Variants in HHAT observed in about 807,000 individuals in gnomAD.
HHAT encodes the protein protein-cysteine N-palmitoyltransferase HHAT.
A neutral mutation model predicts 70.8 loss-of-function variants in HHAT; 47 were observed. That is an observed-to-expected ratio of 0.66 (90% CI 0.53 to 0.85). HHAT has a LOEUF of 0.85. Among genes scored for constraint, HHAT ranks in the 40% least tolerant of loss-of-function variants. The pLI, the probability that HHAT is intolerant of heterozygous loss-of-function variation, is 0.00. For missense variants in HHAT, 609 were observed against 604.8 expected, an observed-to-expected ratio of 1.01 and a Z score of -0.07; for synonymous variants, 228 against 247.6, an observed-to-expected ratio of 0.92 and a Z score of 0.74.
At chr1:210,385,246 GTTTTT>G (rs1200266390) in intron 3 of HHAT, among the ~76,000 whole-genome samples, 1 of 87,408 alleles carries the variant, frequency 1.1e-5, no homozygotes, top group Non-Finnish European at 2.2e-5. Flanking sequence ...AAGCTCATAT[GTTTTT>G]CTTTTTTTTT....
intron 9 of HHAT, among the ~76,000 whole-genome samples, chr1:210,539,640 GT>G (rs1185849383): frequency 1.3e-5 from 2 of 152,186 alleles, no homozygotes; most frequent in Non-Finnish European, 2.9e-5. Flanking sequence ...AGATGGGGGT[GT>G]TGTCAGCGGC....
chr1:210,502,160 G>A (rs958877270), intron 8 of HHAT, among the ~76,000 whole-genome samples: 1 of 151,790 alleles, frequency 6.6e-6, no homozygotes, highest in Non-Finnish European at 1.5e-5. Flanking sequence ...CGAGGTGGGT[G>A]GATCACGAGG....
intron 8 of HHAT, among the ~76,000 whole-genome samples, chr1:210,499,775 C>G (rs1247167914): frequency 6.6e-6 from 1 of 152,196 alleles, no homozygotes; most frequent in African/African-American, 2.4e-5. Flanking sequence ...GGAGAGGCGG[C>G]TGCAAAGAGT....
At chr1:210,558,713 TTTTC>T (rs1219040099) in intron 9 of HHAT, among the ~76,000 whole-genome samples, 1 of 152,082 alleles carries the variant, frequency 6.6e-6, no homozygotes, top group Non-Finnish European at 1.5e-5. Context: ...GTCTCTGCCA[TTTTC>T]TTTGAACCTC....
chr1:210,430,500 G>GT (rs941479381), intron 7 of HHAT, among the ~76,000 whole-genome samples: 3 of 151,848 alleles, frequency 2.0e-5, no homozygotes, highest in Admixed American at 2.0e-4. Context: ...ACATTACTAT[G>GT]TTTTTTCTTA....
Position 210,348,922 on chromosome 1 carries a change from C to G in HHAT, c.-43-11C>G, listed in dbSNP as rs2086768492. 1 of 1,600,330 alleles carries G rather than the reference C, an allele frequency of 6.2e-7. No individual in the cohort carries two copies. Among genetic ancestry groups the G allele is most frequent in the East Asian group, 2.2e-5 (1 of 44,814 alleles). ...ATGTTCATGGCTTAAAGTTTTGTCTCTGTTTCTCAGAAACTCTCAGCGTAG... is the reference window on the plus strand; with the variant it reads ...ATGTTCATGGCTTAAAGTTTTGTCTGTGTTTCTCAGAAACTCTCAGCGTAG... On this transcript the variant is annotated splice_polypyrimidine_tract_variant and intron_variant, in intron 1 of 11. Transcript: ENST00000261458.
chr1:210,423,034 G>C (rs1320929864), intron 7 of HHAT, among the ~76,000 whole-genome samples: 1 of 152,186 alleles, frequency 6.6e-6, no homozygotes, highest in Admixed American at 6.5e-5. Flanking sequence ...TAAACATGGG[G>C]TATAGATGTC....
intron 7 of HHAT, among the ~76,000 whole-genome samples, chr1:210,434,118 T>C (rs2093320893): frequency 1.3e-5 from 2 of 151,922 alleles, no homozygotes; most frequent in Non-Finnish European, 2.9e-5. Context: ...AAGAAGAAGG[T>C]ACACAATTTA....
At chr1:210,373,739 G>A (rs2089793016) in intron 3 of HHAT, among the ~76,000 whole-genome samples, 1 of 152,180 alleles carries the variant, frequency 6.6e-6, no homozygotes, top group Admixed American at 6.5e-5. Flanking sequence ...GTCCTTTAAG[G>A]AGCTTGCATC....
At chr1:210,624,462 G>A (rs931100552) in intron 11 of HHAT, among the ~76,000 whole-genome samples, 13 of 152,000 alleles carry the variant, frequency 8.6e-5, no homozygotes, top group Admixed American at 3.3e-4. Flanking sequence ...TGCTCTGAAC[G>A]TCCTACTAGG....
intron 2 of HHAT, among the ~76,000 whole-genome samples, chr1:210,356,480 T>G (rs924857067): frequency 1.3e-5 from 2 of 152,158 alleles, no homozygotes; most frequent in African/African-American, 4.8e-5. Context: ...TTAAAGAGCT[T>G]TTGCTTTTTC....
intron 8 of HHAT, among the ~76,000 whole-genome samples, chr1:210,470,729 C>T (rs1409719244): frequency 6.6e-6 from 1 of 152,168 alleles, no homozygotes; most frequent in Non-Finnish European, 1.5e-5. Flanking sequence ...AAGCACCAGA[C>T]ATTTTCAGAT....
At chr1:210,563,882 A>G (rs1028589416) in intron 9 of HHAT, among the ~76,000 whole-genome samples, 1 of 152,110 alleles carries the variant, frequency 6.6e-6, no homozygotes, top group Non-Finnish European at 1.5e-5. Flanking sequence ...GCATCAGTGT[A>G]TTATTAGCCT....
At chr1:210,554,593 A>G (rs138769739) in intron 9 of HHAT, among the ~76,000 whole-genome samples, 114 of 152,276 alleles carry the variant, frequency 7.5e-4, no homozygotes, top group African/African-American at 2.7e-3. Flanking sequence ...GTGTGGGAAT[A>G]TACTAGCGAG....
At chr1:210,515,842 C>A (rs566302638) in intron 9 of HHAT, among the ~76,000 whole-genome samples, 1 of 151,076 alleles carries the variant, frequency 6.6e-6, no homozygotes, top group South Asian at 2.1e-4. Context: ...CCAAGGCAGG[C>A]AGATCACTTG....
At chr1:210,350,272 C>T (rs1227156157) in intron 2 of HHAT, among the ~76,000 whole-genome samples, 2 of 152,174 alleles carry the variant, frequency 1.3e-5, no homozygotes, top group African/African-American at 4.8e-5. Flanking sequence ...TGTCCTTAAG[C>T]AGCAAATGGA....
intron 3 of HHAT, among the ~76,000 whole-genome samples, chr1:210,368,619 A>G (rs1029897935): frequency 2.6e-5 from 4 of 151,910 alleles, no homozygotes; most frequent in Admixed American, 2.6e-4. Context: ...CCTCAGTTTT[A>G]TTACCTGCAA....
In HHAT at chr1:210,556,287, A is replaced by C. The variant is rs577122278; in HGVS notation, c.1044-31611A>C. Among the ~76,000 whole-genome samples, 3 of 152,260 alleles carry C rather than the reference A, an allele frequency of 2.0e-5. No individual in the cohort carries two copies. The South Asian group carries it at 6.2e-4, about 32-fold the overall frequency. The stretch of plus-strand genomic sequence containing the variant: ...CCCTGATTTTCTTAAAGATTCAAAC[A>C]AACAGAACCTTCCATCATTTGAGTC... On this transcript the variant is annotated intron_variant, in intron 9 of 11. Transcript: ENST00000261458.
intron 7 of HHAT, among the ~76,000 whole-genome samples, chr1:210,420,685 A>G (rs1045400562): frequency 6.6e-6 from 1 of 152,176 alleles, no homozygotes; most frequent in Admixed American, 6.5e-5. Context: ...CAAAAAAAAA[A>G]ACAAAGAAAT....
Sources: gnomAD v4.1 joint callset for allele counts (sites outside exome capture counted in the v4.1 genomes callset) on GRCh38, gnomAD v4.1.1 for gene constraint, MANE v1.5 for transcripts, NCBI Gene and HGNC (gene_info 2026-07-23, HGNC 2026-07-21) for gene names.